WDFY2: variants seen among roughly 807,000 people sequenced by gnomAD.
The protein encoded by WDFY2 is WD repeat and FYVE domain-containing protein 2.
A neutral mutation model predicts 56.4 loss-of-function variants in WDFY2; 36 were observed. That is an observed-to-expected ratio of 0.64 (90% CI 0.49 to 0.84). WDFY2 has a LOEUF of 0.84. WDFY2 is among the 40% of genes least tolerant of loss of function. The pLI is 0.00. For missense variants in WDFY2, 444 were observed against 512.2 expected, an observed-to-expected ratio of 0.87 and a Z score of 1.29; for synonymous variants, 176 against 183.7, an observed-to-expected ratio of 0.96 and a Z score of 0.34.
Position 51,763,285 on chromosome 13 carries a change from T to G in WDFY2, c.*3516T>G, listed in dbSNP as rs1953647072. 1 of 152,290 alleles carries G rather than the reference T, an allele frequency of 6.6e-6. No homozygotes were observed. Among genetic ancestry groups the G allele is most frequent in the Admixed American group, 6.5e-5 (1 of 15,302 alleles). 9.4% of individuals were successfully genotyped at this position (152,290 alleles called of 1,614,324 possible). On this transcript the variant is annotated 3_prime_UTR_variant, in exon 12 of 12. Transcript: ENST00000298125. ...TTGTTCCTCTTATCGAAAGCATATATGACAGTTTTTTTGGCTCCGGCCCTG... is the reference window on the plus strand; with the variant it reads ...TTGTTCCTCTTATCGAAAGCATATAGGACAGTTTTTTTGGCTCCGGCCCTG...
At chr13:51,627,500 C>T (rs544560921) in intron 1 of WDFY2, among the ~76,000 whole-genome samples, 1 of 151,982 alleles carries the variant, frequency 6.6e-6, no homozygotes, top group Non-Finnish European at 1.5e-5. Context: ...TCCCAAGTAG[C>T]TGGGATTATG....
chr13:51,614,689 C>T lies in WDFY2; in HGVS notation c.137+29865C>T, dbSNP rs116232840. Among the ~76,000 whole-genome samples the T allele has an allele frequency of 5.6e-3, 854 of 152,290 alleles. 5 individuals carry two copies. The highest frequency in any genetic ancestry group is 0.019 in the African/African-American group (800 of 41,546). On this transcript the variant is annotated intron_variant, in intron 1 of 11. Coordinates refer to ENST00000298125, the MANE Select transcript of WDFY2 (RefSeq NM_052950.4). ...TGGAAGCTCAGTTCAGTGACTTCCGCTTACATGTCATTAACCAAAACTGTG... is the reference window on the plus strand; with the variant it reads ...TGGAAGCTCAGTTCAGTGACTTCCGTTTACATGTCATTAACCAAAACTGTG...
At chr13:51,757,767 G>A (rs1953443161) in intron 10 of WDFY2, among the ~76,000 whole-genome samples, 2 of 151,542 alleles carry the variant, frequency 1.3e-5, no homozygotes, top group African/African-American at 4.8e-5. Context: ...AATGAATGGA[G>A]GGGGATAGTT....
In WDFY2 at chr13:51,667,879, C is replaced by CTTTTTTTTTTTTTTTTTT. The variant is rs66771214; in HGVS notation, c.205+7229_205+7246dup. ...GAAGAAAAAGGTACCTGAGGAACTT[C>CTTTTTTTTTTTTTTTTTT]TTTTTTTTTTTTTTTTTTTTTTTTT... On this transcript the variant is annotated intron_variant, in intron 2 of 11. Coordinates refer to ENST00000298125, the MANE Select transcript of WDFY2 (RefSeq NM_052950.4). 4.8e-4 allele frequency among the ~76,000 whole-genome samples: 24 copies of CTTTTTTTTTTTTTTTTTT among 50,048 alleles called. 1 individual carries two copies. Among genetic ancestry groups the CTTTTTTTTTTTTTTTTTT allele is most frequent in the African/African-American group, 1.3e-3 (13 of 10,026 alleles). The allele number at this position is 50,048 out of a possible 152,430, so 32.8% of individuals were successfully genotyped here. A position where few individuals can be genotyped will look rare whatever the true frequency, so the allele number is the denominator to read the frequency against.
At chr13:51,700,330 TA>T (rs892019803) in intron 3 of WDFY2, among the ~76,000 whole-genome samples, 1 of 151,942 alleles carries the variant, frequency 6.6e-6, no homozygotes, top group African/African-American at 2.4e-5. Context: ...ATAGAAATAA[TA>T]AAAAAAGAAG....
At chr13:51,643,055 C>T (rs1418773285) in intron 1 of WDFY2, among the ~76,000 whole-genome samples, 1 of 152,064 alleles carries the variant, frequency 6.6e-6, no homozygotes, top group Non-Finnish European at 1.5e-5. Context: ...AATCATTCTG[C>T]TATTTTCCTT....
At chr13:51,679,291 A>G (rs1248620251) in intron 3 of WDFY2, among the ~76,000 whole-genome samples, 1 of 152,218 alleles carries the variant, frequency 6.6e-6, no homozygotes, top group Non-Finnish European at 1.5e-5. Context: ...ATAGGATAGT[A>G]TAGGGTGGAG....
intron 4 of WDFY2, among the ~76,000 whole-genome samples, chr13:51,705,130 G>A (rs2138587112): frequency 6.6e-6 from 1 of 152,292 alleles, no homozygotes; most frequent in Non-Finnish European, 1.5e-5. Flanking sequence ...AGGAACTGAG[G>A]GAGGCCTTGT....
At chr13:51,659,659 G>A (rs765942137) in intron 1 of WDFY2, among the ~76,000 whole-genome samples, 5 of 152,094 alleles carry the variant, frequency 3.3e-5, no homozygotes, top group Non-Finnish European at 5.9e-5. Context: ...CTTTTCCTAG[G>A]TGTCTGCCTT....
At chr13:51,675,750 G>GA (rs1174706410) in intron 3 of WDFY2, among the ~76,000 whole-genome samples, 1 of 152,012 alleles carries the variant, frequency 6.6e-6, no homozygotes, top group Admixed American at 6.5e-5. Context: ...ATGAATTTGT[G>GA]AAAAAAAGCA....
At chr13:51,654,846 C>T (rs1424109830) in intron 1 of WDFY2, among the ~76,000 whole-genome samples, 1 of 151,840 alleles carries the variant, frequency 6.6e-6, no homozygotes, top group African/African-American at 2.4e-5. Flanking sequence ...TTTTTATATA[C>T]TGTACTTTTA....
chr13:51,708,245 C>T (rs897053935), intron 4 of WDFY2, among the ~76,000 whole-genome samples: 2 of 151,386 alleles, frequency 1.3e-5, no homozygotes, highest in Non-Finnish European at 2.9e-5. Context: ...GTGATCCTAG[C>T]ACTTTGGGAA....
chr13:51,632,223 T>G (rs1954965847), intron 1 of WDFY2, among the ~76,000 whole-genome samples: 1 of 152,160 alleles, frequency 6.6e-6, no homozygotes, highest in Non-Finnish European at 1.5e-5. Flanking sequence ...GGATGTCTAT[T>G]GGACTCTTTT....
rs1952973666 is a variant in WDFY2 at position 51,741,506 on chromosome 13, G to T, written c.725+2331G>T. Among the ~76,000 whole-genome samples the T allele has an allele frequency of 3.9e-5, 6 of 152,148 alleles. No individual in the cohort carries two copies. The South Asian group carries it at 1.2e-3, about 32-fold the overall frequency. On this transcript the variant is annotated intron_variant, in intron 7 of 11. Coordinates refer to ENST00000298125, the MANE Select transcript of WDFY2 (RefSeq NM_052950.4). ...GATAGAGAAGTCCCTGGAGCTGCCA[G>T]AAGTAGGGAGATGGCATGGAAAGAA...
intron 3 of WDFY2, among the ~76,000 whole-genome samples, chr13:51,686,154 C>T (rs1386647379): frequency 6.6e-6 from 1 of 152,244 alleles, no homozygotes; most frequent in South Asian, 2.1e-4. Flanking sequence ...GAGGTATGAA[C>T]TTTGCTCCCA....
rs1405258575 is a variant in WDFY2 at position 51,703,330 on chromosome 13, C to T, written c.280-266C>T. On this transcript the variant is annotated intron_variant, in intron 3 of 11. Coordinates refer to ENST00000298125, the MANE Select transcript of WDFY2 (RefSeq NM_052950.4). ...AATTAGGTTTATCTTCAGAATCGAC[C>T]GGTATCAAGATGCTGAACTGATCTG... 3.9e-5 allele frequency among the ~76,000 whole-genome samples: 6 copies of T among 152,202 alleles called. No individual in the cohort carries two copies. In the East Asian group the frequency reaches 7.7e-4, roughly 20 times the overall value.
chr13:51,735,699 C>G (rs539173063), intron 6 of WDFY2, among the ~76,000 whole-genome samples: 5 of 152,322 alleles, frequency 3.3e-5, no homozygotes, highest in Non-Finnish European at 7.4e-5. Flanking sequence ...TCAATACATG[C>G]TTGTTGAACT....
chr13:51,739,735 CA>C (rs766400708), intron 7 of WDFY2, among the ~76,000 whole-genome samples: 17 of 152,158 alleles, frequency 1.1e-4, no homozygotes, highest in Non-Finnish European at 2.4e-4. Context: ...GAGCAGTTCT[CA>C]AACTTTGCTG....
intron 7 of WDFY2, among the ~76,000 whole-genome samples, chr13:51,743,429 C>T (rs984962471): frequency 7.9e-5 from 12 of 152,134 alleles, no homozygotes; most frequent in Non-Finnish European, 1.6e-4. Flanking sequence ...AAAACCCTCA[C>T]AAGGTTGTCA....
Sources: gnomAD v4.1 joint callset for allele counts (sites outside exome capture counted in the v4.1 genomes callset) on GRCh38, gnomAD v4.1.1 for gene constraint, MANE v1.5 for transcripts, NCBI Gene and HGNC (gene_info 2026-07-23, HGNC 2026-07-21) for gene names.